Variants in ATP13A4 observed in about 807,000 individuals in gnomAD.
ATP13A4 encodes probable cation-transporting ATPase 13A4.
Under a neutral mutation model 142.5 loss-of-function variants are expected in ATP13A4, and 114 were observed. The ratio of observed to expected loss-of-function variants is 0.80; its 90% CI spans 0.69 to 0.93. ATP13A4 has a LOEUF of 0.93. Among genes scored for constraint, ATP13A4 ranks in the 40% least tolerant of loss-of-function variants. ATP13A4 has a pLI of 0.00. For synonymous variants in ATP13A4, 488 were observed against 514.8 expected, an observed-to-expected ratio of 0.95 and a Z score of 0.70; for missense variants, 1,392 against 1,454.0, an observed-to-expected ratio of 0.96 and a Z score of 0.69.
At chr3:193,441,017 C>CTA (rs71637107) in intron 20 of ATP13A4, among the ~76,000 whole-genome samples, 15,219 of 150,194 alleles carry the variant, frequency 0.1, 915 homozygotes, top group Admixed American at 0.19. Context: ...CTCTCTCTCT[C>CTA]TATATATATA....
At chr3:193,405,797 C>T (rs575276904) in intron 29 of ATP13A4, among the ~76,000 whole-genome samples, 1 of 152,236 alleles carries the variant, frequency 6.6e-6, no homozygotes, top group Non-Finnish European at 1.5e-5. Context: ...GAAGAGGATA[C>T]TACTACAGCT....
chr3:193,561,155 A>G (rs544276494), intron 2 of ATP13A4, among the ~76,000 whole-genome samples: 12 of 152,358 alleles, frequency 7.9e-5, no homozygotes, highest in African/African-American at 2.9e-4. Flanking sequence ...GAATGAGGCA[A>G]GAGCCCAATT....
At chr3:193,455,836 T>C (rs745552931) in intron 16 of ATP13A4, among the ~76,000 whole-genome samples, 45 of 152,246 alleles carry the variant, frequency 3.0e-4, no homozygotes, top group Admixed American at 8.5e-4. Context: ...TACATATACA[T>C]GATGGAATAC....
At chr3:193,476,147 T>C (rs1718951245) in intron 8 of ATP13A4, among the ~76,000 whole-genome samples, 1 of 152,056 alleles carries the variant, frequency 6.6e-6, no homozygotes, top group African/African-American at 2.4e-5. Context: ...CTTAAAAAGT[T>C]ATTTCCTAAG....
intron 29 of ATP13A4, among the ~76,000 whole-genome samples, chr3:193,404,537 G>A (rs1714399427): frequency 6.6e-6 from 1 of 152,192 alleles, no homozygotes; most frequent in Admixed American, 6.5e-5. Flanking sequence ...CGTAGGGATG[G>A]ATTTCCTTCT....
At chr3:193,459,338 T>C in intron 13 of ATP13A4, 107 bp from the exon 14 acceptor site, 3 of 1,383,348 alleles carry the variant, frequency 2.2e-6, no homozygotes, top group Non-Finnish European at 3.0e-6. Flanking sequence ...ATATGCTTTG[T>C]TGCATTAATA....
chr3:193,425,035 A>C (rs1715587294), intron 25 of ATP13A4, among the ~76,000 whole-genome samples: 1 of 149,352 alleles, frequency 6.7e-6, no homozygotes, highest in Admixed American at 6.9e-5. Flanking sequence ...AAAAATGGAA[A>C]AAATACCTGA....
intron 1 of ATP13A4, among the ~76,000 whole-genome samples, chr3:193,546,836 G>A (rs999602713): frequency 4.6e-5 from 7 of 152,162 alleles, no homozygotes; most frequent in South Asian, 2.1e-4. Context: ...CTAAATTTTC[G>A]TATTCATAAA....
intron 17 of ATP13A4, among the ~76,000 whole-genome samples, chr3:193,453,759 G>T (rs747664434): frequency 4.6e-5 from 7 of 151,424 alleles, no homozygotes; most frequent in Non-Finnish European, 8.8e-5. Context: ...TTTAAATGGG[G>T]GCATGACCAC....
At chr3:193,545,414 G>T (rs1215362734) in intron 1 of ATP13A4, among the ~76,000 whole-genome samples, 3 of 152,104 alleles carry the variant, frequency 2.0e-5, no homozygotes, top group Non-Finnish European at 4.4e-5. Flanking sequence ...CTTTTTCTGA[G>T]GGGCCATTTC....
chr3:193,433,861 A>C lies in ATP13A4; in HGVS notation c.2826T>G (p.Thr942=), dbSNP rs143208973. 1.9e-6 allele frequency: 3 copies of C among 1,613,340 alleles called. No homozygotes were observed. The African/African-American group carries it at 4.0e-5, about 22-fold the overall frequency. ...ATGTCTTACTTGTTACACCAATAAG[A>C]GTTGTAATGGCCAGATCCTGGAACA... ...QFLFQDLAIT[T]LIGVTMNLNG... is the part of the protein sequence containing the mutation. The change falls in exon 25 of 30, where the codon ACT becomes ACG. Residue 942 remains threonine (T), a synonymous_variant. Transcript: ENST00000342695.
rs1720044486 is a variant in ATP13A4, at chr3:193,493,280, A to G, written c.382-120T>C. 6 of 837,282 alleles carry G rather than the reference A, an allele frequency of 7.2e-6. No homozygotes were observed. The East Asian group carries it at 1.3e-4, about 18-fold the overall frequency. 51.9% of individuals were successfully genotyped at this position (837,282 alleles called of 1,614,324 possible). A position where few individuals can be genotyped will look rare whatever the true frequency, so the allele number is the denominator to read the frequency against. ...GATAAAACTCTAACATACTTATTTA[A>G]GATTTTATCCTTTTCTAATTTACCC... On this transcript the variant is annotated intron_variant, in intron 3 of 29. Transcript: ENST00000342695.
intron 1 of ATP13A4, chr3:193,553,856 A>C (rs1382294084): frequency 6.6e-6 from 1 of 152,262 alleles, no homozygotes; most frequent in African/African-American, 2.4e-5. Context: ...CATTTTAAGT[A>C]AATATCTTTC....
chr3:193,572,458 G>A (rs1485304778), intron 2 of ATP13A4, among the ~76,000 whole-genome samples: 1 of 152,196 alleles, frequency 6.6e-6, no homozygotes, highest in African/African-American at 2.4e-5. Flanking sequence ...TAAAATAATT[G>A]AATACTCCAT....
At chr3:193,474,621 G>GGA (rs1156991035) in intron 8 of ATP13A4, among the ~76,000 whole-genome samples, 2 of 136,414 alleles carry the variant, frequency 1.5e-5, no homozygotes, top group Admixed American at 1.6e-4. Context: ...AAGAAAGGAA[G>GGA]GAGAGAGAGA....
intron 2 of ATP13A4, among the ~76,000 whole-genome samples, chr3:193,505,744 G>GA (rs1347591676): frequency 1.1e-4 from 17 of 151,984 alleles, no homozygotes; most frequent in African/African-American, 2.9e-4. Context: ...GCTTTTTAAG[G>GA]AAAAAAAGCA....
rs114380371 is a variant in ATP13A4 at position 193,403,011 on chromosome 3, T to C, written c.3379-147A>G. ...TGACCACTGGACCAATCTAAGGTGG[T>C]TTCATTGGACAGGTATTGGTTTCTC... On this transcript the variant is annotated intron_variant, in intron 29 of 29. Coordinates refer to ENST00000342695, the MANE Select transcript of ATP13A4 (RefSeq NM_032279.4). The C allele has an allele frequency of 1.2e-3, 873 of 750,678 alleles. 9 individuals are homozygous for C. In the African/African-American group the frequency reaches 0.013, roughly 12 times the overall value. The allele number at this position is 750,678 out of a possible 1,614,324, so 46.5% of individuals were successfully genotyped here.
At position 193,562,945 on chromosome 3, in the gene ATP13A4, T is replaced by C. The variant is rs538481949; in HGVS notation, n.291+18762A>G. ...TCTATCATGTGACAGCCATGAAAAA[T>C]TTGGCAAGTTGCTAAATTATCCTAA... On this transcript the variant is annotated intron_variant and non_coding_transcript_variant, in intron 2 of 3. Transcript: ENST00000489140. Among the ~76,000 whole-genome samples the C allele has an allele frequency of 5.3e-5, 8 of 152,156 alleles. No individual in the cohort carries two copies. In the East Asian group the frequency reaches 1.5e-3, roughly 29 times the overall value.
intron 3 of ATP13A4, among the ~76,000 whole-genome samples, chr3:193,496,065 T>C (rs1720207381): frequency 6.6e-6 from 1 of 152,128 alleles, no homozygotes; most frequent in Non-Finnish European, 1.5e-5. Context: ...TTGCAAGAAA[T>C]TGAAGAAGAC....
Sources: allele counts gnomAD v4.1 joint callset (sites outside exome capture counted in the v4.1 genomes callset), GRCh38; gene constraint gnomAD v4.1.1; transcripts MANE v1.5; gene names NCBI Gene and HGNC (gene_info 2026-07-23, HGNC 2026-07-21).